Variants in RAPGEF4 observed in about 807,000 individuals in gnomAD.
RAPGEF4 encodes the protein Rap guanine nucleotide exchange factor 4.
A neutral mutation model predicts 147.9 loss-of-function variants in RAPGEF4; 66 were observed. The ratio of observed to expected loss-of-function variants is 0.45; its 90% CI spans 0.37 to 0.55. The LOEUF (loss-of-function observed/expected upper bound fraction) is 0.55. Among genes scored for constraint, RAPGEF4 ranks in the 20% least tolerant of loss-of-function variants. RAPGEF4 has a pLI of 0.00. For synonymous variants in RAPGEF4, 419 were observed against 442.7 expected (o/e 0.95, Z 0.67); for missense variants, 1,071 against 1,257.3 (o/e 0.85, Z 2.24).
At chr2:172,840,142 T>A (rs1050415510) in intron 4 of RAPGEF4, among the ~76,000 whole-genome samples, 3 of 152,220 alleles carry the variant, frequency 2.0e-5, no homozygotes, top group South Asian at 2.1e-4. Flanking sequence ...TGGGTCCAAA[T>A]TATTCATTAT....
intron 10 of RAPGEF4, among the ~76,000 whole-genome samples, chr2:172,975,051 T>C (rs151099418): frequency 6.6e-6 from 1 of 152,356 alleles, no homozygotes; most frequent in East Asian, 1.9e-4. Context: ...CCAGGTTAAA[T>C]ACAGGATGCC....
At chr2:172,736,081 G>A in intron 1 of RAPGEF4, 33 bp downstream of exon 1, 2 of 1,441,148 alleles carry the variant, frequency 1.4e-6, no homozygotes. Flanking sequence ...CGGGGGCCGA[G>A]CTCTGCGGTG....
intron 1 of RAPGEF4, among the ~76,000 whole-genome samples, chr2:172,742,013 C>T (rs957154472): frequency 3.9e-5 from 6 of 152,192 alleles, no homozygotes; most frequent in Non-Finnish European, 8.8e-5. Context: ...CCAACATCAT[C>T]AACTTACAGC....
chr2:173,017,258 C>T (rs377222919), intron 20 of RAPGEF4, 54 bp downstream of exon 20: 1 of 1,564,766 alleles, frequency 6.4e-7, no homozygotes, highest in Non-Finnish European at 8.8e-7. Flanking sequence ...TTACAATTCC[C>T]CAGAAATATT....
In RAPGEF4 at chr2:172,806,015, CTGTGTGTGTGTGTG is replaced by C. The variant is rs36226317; in HGVS notation, c.298-8232_298-8219del. ...TCTCATTGTATCAGATATTATCCGG[CTGTGTGTGTGTGTG>C]TGTGTGTGTGTGTGTGTGTGTGTGT... is the stretch of plus-strand genomic sequence containing the variant. On this transcript the variant is annotated intron_variant, in intron 3 of 30. Coordinates refer to ENST00000397081, the MANE Select transcript of RAPGEF4 (RefSeq NM_007023.4). Among the ~76,000 whole-genome samples the C allele has an allele frequency of 6.7e-4, 98 of 145,410 alleles. 1 individual carries two copies. The highest frequency in any genetic ancestry group is 4.6e-3 in the South Asian group (20 of 4,318).
chr2:172,973,166 G>A (rs1000643943), intron 10 of RAPGEF4, among the ~76,000 whole-genome samples: 3 of 149,142 alleles, frequency 2.0e-5, no homozygotes, highest in Admixed American at 2.0e-4. Context: ...AGGCTGGAGT[G>A]CAGTGGGGTG....
chr2:172,970,333 T>C (rs984589758), intron 10 of RAPGEF4, among the ~76,000 whole-genome samples: 4 of 152,176 alleles, frequency 2.6e-5, no homozygotes, highest in Non-Finnish European at 4.4e-5. Context: ...ACTGAGGGCA[T>C]GTTCAGAGGT....
intron 22 of RAPGEF4, among the ~76,000 whole-genome samples, chr2:173,019,241 G>C (rs752396257): frequency 4.3e-4 from 65 of 152,220 alleles, no homozygotes; most frequent in Admixed American, 1.6e-3. Context: ...TCAGTAGAGA[G>C]GCTAGGAGCC....
In RAPGEF4 at chr2:172,927,709, C is replaced by T. The variant is rs74668877; in HGVS notation, c.537+5409C>T. On this transcript the variant is annotated intron_variant, in intron 6 of 30. Coordinates refer to ENST00000397081, the MANE Select transcript of RAPGEF4 (RefSeq NM_007023.4). ...TATAAACCCTTTCAACTCCACCTTT[C>T]GAGGACCAACTGAATTCAAACTGTT... Among the ~76,000 whole-genome samples, 1,330 of 152,236 alleles carry T rather than the reference C, an allele frequency of 8.7e-3. 11 individuals are homozygous for T. The highest frequency in any genetic ancestry group is 0.014 in the Non-Finnish European group (946 of 68,004).
chr2:172,837,125 T>C (rs1404457054), intron 4 of RAPGEF4, among the ~76,000 whole-genome samples: 3 of 152,180 alleles, frequency 2.0e-5, no homozygotes, highest in African/African-American at 7.2e-5. Flanking sequence ...AAGAACCATG[T>C]TGGGTGTGTG....
intron 6 of RAPGEF4, among the ~76,000 whole-genome samples, chr2:172,945,174 A>G (rs914852871): frequency 3.3e-5 from 5 of 152,126 alleles, no homozygotes; most frequent in Non-Finnish European, 7.4e-5. Flanking sequence ...AAACAAAACT[A>G]TGTTTAGGGA....
At chr2:172,961,370 A>G in intron 8 of RAPGEF4, 142 bp downstream of exon 8, 1 of 627,702 alleles carries the variant, frequency 1.6e-6, no homozygotes, top group Non-Finnish European at 2.8e-6. Flanking sequence ...GGCTTGTCTT[A>G]CATCTCAGCT....
Position 172,922,300 on chromosome 2 carries a change from C to T in RAPGEF4, c.537C>T (p.Asn179=), listed in dbSNP as rs756925424. The T allele has an allele frequency of 6.9e-5, 110 of 1,605,712 alleles. No individual in the cohort carries two copies. Among genetic ancestry groups the T allele is most frequent in the East Asian group, 2.9e-4 (13 of 44,834 alleles). ...SNNDRIPDKE[N]TPLIEPHVPL... ...CTTTAGGGATTCCTGACAAGGAGAA[C>T]GTGAGTAGCTACTCTCTCTGCCTAT... Residue 179 remains asparagine, a splice_region_variant and synonymous_variant, in exon 6 of 31, where the codon AAC becomes AAT. Transcript: ENST00000397081.
At chr2:172,833,996 G>A (rs1690652978) in intron 4 of RAPGEF4, among the ~76,000 whole-genome samples, 1 of 152,200 alleles carries the variant, frequency 6.6e-6, no homozygotes, top group Admixed American at 6.5e-5. Context: ...ACTTCAGGAA[G>A]CTAATTCCAA....
chr2:172,946,774 C>T lies in RAPGEF4; in HGVS notation c.538-13986C>T, dbSNP rs181882776. Among the ~76,000 whole-genome samples, 181 of 152,336 alleles carry T rather than the reference C, an allele frequency of 1.2e-3. 1 individual carries two copies. The highest frequency in any genetic ancestry group is 4.0e-3 in the African/African-American group (168 of 41,578). On this transcript the variant is annotated intron_variant, in intron 6 of 30. Transcript: ENST00000397081. ...CTTGTGTATATGTAAAACGGTTCCACCGGATGTGCCTTTCATCATTTTGGG... is the reference window on the plus strand; with the variant it reads ...CTTGTGTATATGTAAAACGGTTCCATCGGATGTGCCTTTCATCATTTTGGG...
rs557066108 is a variant in RAPGEF4 at position 172,940,927 on chromosome 2, T to A, written c.537+18627T>A. 1.3e-4 allele frequency among the ~76,000 whole-genome samples: 20 copies of A among 152,350 alleles called. 1 individual carries two copies. In the South Asian group the frequency reaches 4.1e-3, roughly 32 times the overall value. On this transcript the variant is annotated intron_variant, in intron 6 of 30. Coordinates refer to ENST00000397081, the MANE Select transcript of RAPGEF4 (RefSeq NM_007023.4). ...AGTATTTTGTAGTTGTCTCTATATA[T>A]GCCCTGTACATGTTTTGTTAGATTA...
At chr2:172,904,271 C>T (rs533463731) in intron 4 of RAPGEF4, among the ~76,000 whole-genome samples, 1 of 152,260 alleles carries the variant, frequency 6.6e-6, no homozygotes, top group South Asian at 2.1e-4. Flanking sequence ...TGTTGTCAGT[C>T]AACTGTTTCT....
At chr2:172,865,800 G>A (rs1417453374) in intron 4 of RAPGEF4, among the ~76,000 whole-genome samples, 3 of 152,130 alleles carry the variant, frequency 2.0e-5, no homozygotes, top group Non-Finnish European at 4.4e-5. Context: ...TCCGAGTGAA[G>A]GGAGGGAGGC....
intron 18 of RAPGEF4, among the ~76,000 whole-genome samples, chr2:173,015,776 A>G (rs1214737349): frequency 6.6e-6 from 1 of 152,210 alleles, no homozygotes; most frequent in African/African-American, 2.4e-5. Context: ...TGGTGGCACA[A>G]ACTCATCATA....
Sources: allele counts gnomAD v4.1 joint callset (sites outside exome capture counted in the v4.1 genomes callset), GRCh38; gene constraint gnomAD v4.1.1; transcripts MANE v1.5; gene names NCBI Gene and HGNC (gene_info 2026-07-23, HGNC 2026-07-21).